PLS1: variants seen among roughly 807,000 people sequenced by gnomAD.
PLS1 encodes plastin-1.
Under a neutral mutation model 73.7 loss-of-function variants are expected in PLS1, and 32 were observed. That is an observed-to-expected ratio of 0.43 (90% confidence interval 0.33 to 0.58). The LOEUF (loss-of-function observed/expected upper bound fraction) is 0.58, where lower values mean the gene tolerates loss of function less well. Among genes scored for constraint, PLS1 ranks in the 20% least tolerant of loss-of-function variants. PLS1 has a pLI of 0.04. For missense variants in PLS1, 633 were observed against 740.5 expected (o/e 0.85, Z 1.68); for synonymous variants, 217 against 261.3 (o/e 0.83, Z 1.63).
At chr3:142,608,377 CAT>C (rs2036061842) in intron 1 of PLS1, among the ~76,000 whole-genome samples, 1 of 152,192 alleles carries the variant, frequency 6.6e-6, no homozygotes, top group Non-Finnish European at 1.5e-5. Flanking sequence ...TGTAATAAAA[CAT>C]AAAGTTAATA....
intron 1 of PLS1, among the ~76,000 whole-genome samples, chr3:142,604,673 G>A (rs986898842): frequency 3.9e-5 from 6 of 152,170 alleles, no homozygotes; most frequent in African/African-American, 4.8e-5. Flanking sequence ...AGTGGCTCAC[G>A]CCTGTAATCC....
At chr3:142,623,175 T>A (rs1239162767) in intron 1 of PLS1, among the ~76,000 whole-genome samples, 1 of 152,174 alleles carries the variant, frequency 6.6e-6, no homozygotes, top group Non-Finnish European at 1.5e-5. Flanking sequence ...ATGAAAAGAA[T>A]ATGGAAGCTC....
At chr3:142,703,357 G>A (rs1036905884) in intron 12 of PLS1, among the ~76,000 whole-genome samples, 2 of 146,102 alleles carry the variant, frequency 1.4e-5, no homozygotes, top group African/African-American at 2.5e-5. Flanking sequence ...GGGCAATGGC[G>A]CGATCTTGGC....
intron 1 of PLS1, among the ~76,000 whole-genome samples, chr3:142,650,211 C>CTTTTTTTTTTTTTT (rs1171297517): frequency 4.2e-5 from 3 of 70,908 alleles, no homozygotes; most frequent in Middle Eastern, 0.015. Context: ...GCTTCTTCTT[C>CTTTTTTTTTTTTTT]TTTTTTTTTT....
Position 142,676,157 on chromosome 3 carries a change from A to G in PLS1, c.365A>G (p.Glu122Gly), listed in dbSNP as rs770608830. Residue 122 changes from glutamate to glycine, a missense_variant and splice_region_variant, in exon 5 of 16, where the codon GAG becomes GGG. Physicochemically the swap from Glu to Gly is moderately conservative, Grantham distance 98. Coordinates refer to ENST00000457734, the MANE Select transcript of PLS1 (RefSeq NM_001145319.2). ...GCCTACCAAGGTTTTCTCCTTTCAG[A>G]GGAAGAAAAAGTGGCTTTTGTTAAC... ...SSEGTQHSYS[E>G]EEKVAFVNWI... is the part of the protein sequence containing the mutation. The G allele has an allele frequency of 7.4e-6, 12 of 1,611,176 alleles. No homozygotes were observed. The highest frequency in any genetic ancestry group is 1.0e-5 in the Non-Finnish European group (12 of 1,179,152).
intron 10 of PLS1, among the ~76,000 whole-genome samples, chr3:142,693,670 A>G (rs1406419440): frequency 1.3e-5 from 2 of 152,162 alleles, no homozygotes; most frequent in African/African-American, 4.8e-5. Flanking sequence ...ATCCCTGCTC[A>G]CTTTGTGGTA....
intron 12 of PLS1, 66 bp downstream of exon 12, chr3:142,698,133 T>C (rs1305525816): frequency 6.2e-6 from 6 of 965,734 alleles, no homozygotes; most frequent in Non-Finnish European, 8.2e-6. Context: ...ATTTAGAGTT[T>C]CATGAAGTTA....
intron 10 of PLS1, among the ~76,000 whole-genome samples, chr3:142,693,213 G>A (rs2038121617): frequency 6.6e-6 from 1 of 152,126 alleles, no homozygotes; most frequent in South Asian, 2.1e-4. Flanking sequence ...TTAGATAATG[G>A]CATTGAAATC....
chr3:142,696,607 A>G (rs2038211217), intron 11 of PLS1, among the ~76,000 whole-genome samples: 1 of 151,902 alleles, frequency 6.6e-6, no homozygotes, highest in Admixed American at 6.6e-5. Context: ...CTAAAATGTT[A>G]TATATTTCAA....
intron 1 of PLS1, among the ~76,000 whole-genome samples, chr3:142,619,066 A>C (rs1028541802): frequency 2.0e-5 from 3 of 152,226 alleles, no homozygotes; most frequent in African/African-American, 7.2e-5. Flanking sequence ...GTTGATGTAC[A>C]TGAGAAAATG....
At chr3:142,699,383 C>G (rs965371863) in intron 12 of PLS1, among the ~76,000 whole-genome samples, 2 of 152,068 alleles carry the variant, frequency 1.3e-5, no homozygotes, top group South Asian at 4.2e-4. Flanking sequence ...GGCTTGAACC[C>G]GGGAGGCAGA....
chr3:142,666,128 A>G (rs1417580470), intron 2 of PLS1, among the ~76,000 whole-genome samples: 1 of 152,246 alleles, frequency 6.6e-6, no homozygotes. Flanking sequence ...GAGAAGGGGG[A>G]AGTTGAAATA....
At chr3:142,614,183 G>A (rs4413348) in intron 1 of PLS1, among the ~76,000 whole-genome samples, 98,009 of 152,136 alleles carry the variant, frequency 0.64, 33,234 homozygotes, top group African/African-American at 0.87. Context: ...CATGACTGAA[G>A]ATGGAAGCAA....
chr3:142,628,340 TGC>T lies in PLS1; in HGVS notation c.-37+31836_-37+31837del, dbSNP rs949424654. On this transcript the variant is annotated intron_variant, in intron 1 of 15. Coordinates refer to ENST00000457734, the MANE Select transcript of PLS1 (RefSeq NM_001145319.2). ...GGTCCCAGAATATAGTGTGTGTGTGTGCGCGCACATGTGCATGCAGTGTGCAT... is the reference window on the plus strand; with the variant it reads ...GGTCCCAGAATATAGTGTGTGTGTGTGCGCACATGTGCATGCAGTGTGCAT... Among the ~76,000 whole-genome samples, 41 of 29,120 alleles carry T rather than the reference TGC, an allele frequency of 1.4e-3. No homozygotes were observed. In the East Asian group the frequency reaches 0.02, roughly 14 times the overall value. The allele number at this position is 29,120 out of a possible 152,430, so 19.1% of individuals were successfully genotyped here.
intron 3 of PLS1, among the ~76,000 whole-genome samples, chr3:142,670,299 GCAAC>G (rs2107842426): frequency 6.6e-6 from 1 of 152,328 alleles, no homozygotes; most frequent in South Asian, 2.1e-4. Context: ...ATATTCTCAA[GCAAC>G]TGAAAGAAGG....
At chr3:142,661,106 GCCACA>G (rs2037361533) in intron 1 of PLS1, among the ~76,000 whole-genome samples, 1 of 152,070 alleles carries the variant, frequency 6.6e-6, no homozygotes, top group Non-Finnish European at 1.5e-5. Context: ...TTCAAAGCCA[GCCACA>G]CCACAAGTAG....
At chr3:142,596,608 T>C (rs1449273491) in intron 1 of PLS1, 99 bp downstream of exon 1, 1 of 152,440 alleles carries the variant, frequency 6.6e-6, no homozygotes. Flanking sequence ...TCGGGGGCAG[T>C]ATCTCCGGGT....
intron 1 of PLS1, among the ~76,000 whole-genome samples, chr3:142,640,654 A>T (rs111906347): frequency 0.023 from 3,545 of 152,270 alleles, 131 homozygotes; most frequent in African/African-American, 0.081. Flanking sequence ...GTTAATATTT[A>T]AAAATAACAT....
intron 6 of PLS1, among the ~76,000 whole-genome samples, chr3:142,681,873 T>A: frequency 6.6e-6 from 1 of 152,212 alleles, no homozygotes; most frequent in East Asian, 1.9e-4. Flanking sequence ...TTGCAACTCC[T>A]TATTTTCTAC....
Sources: allele counts gnomAD v4.1 joint callset (sites outside exome capture counted in the v4.1 genomes callset), GRCh38; gene constraint gnomAD v4.1.1; transcripts MANE v1.5; gene names NCBI Gene and HGNC (gene_info 2026-07-23, HGNC 2026-07-21).